SIGIRR: variants seen among roughly 807,000 people sequenced by gnomAD.
The protein encoded by SIGIRR is single Ig IL-1-related receptor.
In SIGIRR, 41 loss-of-function variants were observed where a neutral mutation model predicts 45.6. The ratio of observed to expected loss-of-function variants is 0.90; its 90% confidence interval spans 0.70 to 1.17. The LOEUF is 1.17. SIGIRR is among the 50% of genes most tolerant of loss of function. The probability of loss-of-function intolerance (pLI) is 0.00; values close to 1 mark genes in which losing one functional copy is unlikely to be tolerated. For missense variants in SIGIRR, 599 were observed against 539.6 expected (o/e 1.11, Z -1.09); for synonymous variants, 298 against 239.0 (o/e 1.25, Z -2.28).
At position 406,862 on chromosome 11, in the gene SIGIRR, A is replaced by C; in HGVS notation, c.860T>G (p.Leu287Arg). The C allele has an allele frequency of 1.3e-6, 2 of 1,572,694 alleles. No homozygotes were observed. Among genetic ancestry groups the C allele is most frequent in the Non-Finnish European group, 1.7e-6 (2 of 1,165,792 alleles). ...RQHRHLVTLL[L>R]WRPGSVTPSS... is the part of the protein sequence containing the mutation. ...CCGCACCACGGAGCCGGGCCTCCAG[A>C]GCAGCAAGGTCACCAGGTGGCGGTG... The change falls in exon 8 of 10, where the codon CTC becomes CGC. Residue 287 changes from leucine (L) to arginine (R), a missense_variant. Leu to Arg is a moderately radical substitution (Grantham distance 102, BLOSUM62 -2). Transcript: ENST00000431843.
intron 2 of SIGIRR, chr11:409,498 T>TTA: frequency 3.1e-6 from 1 of 321,288 alleles, no homozygotes; most frequent in Non-Finnish European, 5.8e-6. Context: ...TTGTTCATCT[T>TTA]TACATCAGGG....
chr11:409,922 C>A lies in SIGIRR; in HGVS notation c.-48G>T. 1 of 1,284,632 alleles carries A rather than the reference C, an allele frequency of 7.8e-7. No homozygotes were observed. Among genetic ancestry groups the A allele is most frequent in the Non-Finnish European group, 9.9e-7 (1 of 1,009,372 alleles). 79.6% of individuals were successfully genotyped at this position (1,284,632 alleles called of 1,614,324 possible). On this transcript the variant is annotated 5_prime_UTR_variant, in exon 2 of 10. Coordinates refer to ENST00000431843, the MANE Select transcript of SIGIRR (RefSeq NM_001135054.2). ...GGGGCAGGCTGGGCTCCAGGGTCAC[C>A]CCTGGCTCCACCGGGCTCCTCGGCC...
intron 1 of SIGIRR, among the ~76,000 whole-genome samples, chr11:411,771 T>C (rs371437854): frequency 3.8e-5 from 3 of 79,892 alleles, no homozygotes; most frequent in Non-Finnish European, 7.6e-5. Flanking sequence ...GGAGGGGTGC[T>C]CAGCTCTGAC....
intron 2 of SIGIRR, chr11:409,205 T>C: frequency 2.1e-6 from 1 of 485,564 alleles, no homozygotes; most frequent in Non-Finnish European, 3.9e-6. Flanking sequence ...GCCCCCCATT[T>C]CCCAGATGCA....
intron 9 of SIGIRR, 93 bp downstream of exon 9, chr11:406,256 C>G (rs1294943578): frequency 3.2e-6 from 5 of 1,550,110 alleles, no homozygotes; most frequent in Non-Finnish European, 4.3e-6. Context: ...TCCTCAACAC[C>G]TGGAGCCCCT....
At chr11:413,819 T>A in intron 1 of SIGIRR, among the ~76,000 whole-genome samples, 1 of 92,770 alleles carries the variant, frequency 1.1e-5, no homozygotes. Flanking sequence ...CACCTTCCCC[T>A]GCCCACCTTC....
At position 406,270 on chromosome 11, in the gene SIGIRR, GGCCCTGT is replaced by G. The variant is rs767045112; in HGVS notation, c.1069+72_1069+78del. 7 of 1,558,484 alleles carry G rather than the reference GGCCCTGT, an allele frequency of 4.5e-6. No individual in the cohort carries two copies. The South Asian group carries it at 8.1e-5, about 18-fold the overall frequency. On this transcript the variant is annotated intron_variant, in intron 9 of 9. Transcript: ENST00000431843. ...GTCCTCAACACCTGGAGCCCCTCCA[GGCCCTGT>G]GCCCTGTGCCTGCCCCCACTCCGCC...
intron 1 of SIGIRR, among the ~76,000 whole-genome samples, chr11:410,405 C>T (rs926489584): frequency 1.1e-4 from 16 of 152,188 alleles, no homozygotes; most frequent in African/African-American, 3.9e-4. Context: ...GCTGCAGTGC[C>T]AGAGACACAG....
rs768014363 is a variant in SIGIRR, at chr11:406,537, G to A, written c.881C>T (p.Thr294Ile). The change falls in exon 9 of 10, where the codon ACT becomes ATT. Residue 294 changes from threonine (T) to isoleucine (I), a missense_variant and splice_region_variant. Thr to Ile is a moderately conservative substitution (Grantham distance 89). Coordinates refer to ENST00000431843, the MANE Select transcript of SIGIRR (RefSeq NM_001135054.2). ...TLLLWRPGSVTPSSDFWKEVQ... is the reference protein window; with the variant it reads ...TLLLWRPGSVIPSSDFWKEVQ... ...TTCTTTCCAAAAATCGGAGGAAGGAGTCTGGGGGCCAGGTCGGGGCGGTTT... is the reference window on the plus strand; with the variant it reads ...TTCTTTCCAAAAATCGGAGGAAGGAATCTGGGGGCCAGGTCGGGGCGGTTT... 3.9e-5 allele frequency: 63 copies of A among 1,607,876 alleles called. No homozygotes were observed. The Admixed American group carries it at 8.7e-4, about 22-fold the overall frequency.
rs770464173 is a variant in SIGIRR, at chr11:409,919, C to T, written c.-45G>A. The T allele has an allele frequency of 1.5e-5, 19 of 1,291,964 alleles. No individual in the cohort carries two copies. In the Admixed American group the frequency reaches 4.5e-4, roughly 31 times the overall value. The allele number at this position is 1,291,964 out of a possible 1,614,324, so 80.0% of individuals were successfully genotyped here. On this transcript the variant is annotated 5_prime_UTR_variant, in exon 2 of 10. Coordinates refer to ENST00000431843, the MANE Select transcript of SIGIRR (RefSeq NM_001135054.2). ...CTCGGGGCAGGCTGGGCTCCAGGGT[C>T]ACCCCTGGCTCCACCGGGCTCCTCG...
At position 406,387 on chromosome 11, in the gene SIGIRR, A is replaced by G; in HGVS notation, c.1031T>C (p.Leu344Pro). The change falls in exon 9 of 10, where the codon CTG (leucine) becomes CCG (proline). Residue 344 changes from leucine to proline, a missense_variant. Physicochemically the swap from Leu to Pro is moderately conservative, Grantham distance 98. Transcript: ENST00000431843. ...AGGGTCCGGGTCCACCTCTGAGTCC[A>G]GGGCCCGGCCCTCAGGGACTCGGCC... Reference protein sequence around the residue: ...LRGRVPEGRALDSEVDPDPEG... With the variant: ...LRGRVPEGRAPDSEVDPDPEG... 1 of 1,612,648 alleles carries G rather than the reference A, an allele frequency of 6.2e-7. No homozygotes were observed. The highest frequency in any genetic ancestry group is 8.5e-7 in the Non-Finnish European group (1 of 1,179,846).
In SIGIRR at chr11:407,803, C is replaced by A; in HGVS notation, c.481+14G>T. 6.2e-7 allele frequency: 1 copy of A among 1,612,238 alleles called. No homozygotes were observed. Among genetic ancestry groups the A allele is most frequent in the Non-Finnish European group, 8.5e-7 (1 of 1,179,772 alleles). On this transcript the variant is annotated intron_variant, in intron 5 of 9. Transcript: ENST00000431843. The stretch of plus-strand genomic sequence containing the variant: ...GTGGCGACCCCTCCTCGCGCCCACG[C>A]GGGCCCCACGCACCGTTTATCTCCA...
chr11:408,985 T>C, intron 2 of SIGIRR, 92 bp from the exon 3 acceptor site: 1 of 1,189,300 alleles, frequency 8.4e-7, no homozygotes, highest in Non-Finnish European at 1.2e-6. Context: ...AAATAAGGCC[T>C]CTGTGTGGCT....
chr11:406,355 C>G lies in SIGIRR; in HGVS notation c.1063G>C (p.Asp355His). The part of the protein sequence containing the change: ...DSEVDPDPEG[D>H]LGVRGPVFGE... ...TGGGGCTGGGCGGGCATACCCAGGT[C>G]GCCCTCAGGGTCCGGGTCCACCTCT... The change falls in exon 9 of 10, where the codon GAC becomes CAC. Residue 355 changes from aspartate (D) to histidine (H), a missense_variant. Physicochemically the swap from Asp to His is moderately conservative, Grantham distance 81. Coordinates refer to ENST00000431843, the MANE Select transcript of SIGIRR (RefSeq NM_001135054.2). The G allele has an allele frequency of 1.2e-6, 2 of 1,612,318 alleles. No individual in the cohort carries two copies.
At chr11:407,341 GTGGGGCCCCGGGTGGGACGGAGCA>G in intron 6 of SIGIRR, 60 bp downstream of exon 6, 1 of 1,237,848 alleles carries the variant, frequency 8.1e-7, no homozygotes, top group Non-Finnish European at 1.1e-6. Flanking sequence ...GATGGTGGGG[GTGGGGCCCCGGGTGGGACGGAGCA>G]TGGGGCGGGG....
At chr11:411,634 T>G (rs1431819096) in intron 1 of SIGIRR, among the ~76,000 whole-genome samples, 2 of 63,294 alleles carry the variant, frequency 3.2e-5, no homozygotes, top group Admixed American at 1.9e-4. Context: ...CTGGATGCAG[T>G]CGGGGGGTGC....
intron 1 of SIGIRR, among the ~76,000 whole-genome samples, chr11:410,745 G>GGGA (rs1385709742): frequency 3.4e-5 from 3 of 88,900 alleles, no homozygotes; most frequent in East Asian, 3.6e-4. Flanking sequence ...GATGCAGTCG[G>GGGA]GGGGTGCCCA....
intron 1 of SIGIRR, 66 bp from the exon 2 acceptor site, chr11:410,093 C>T: frequency 8.2e-7 from 1 of 1,222,108 alleles, no homozygotes; most frequent in Non-Finnish European, 1.0e-6. Flanking sequence ...CTGCCGGCCA[C>T]AGACAGCACT....
intron 1 of SIGIRR, among the ~76,000 whole-genome samples, chr11:412,127 G>A (rs1847667652): frequency 3.0e-5 from 1 of 33,568 alleles, no homozygotes; most frequent in African/African-American, 1.1e-4. Flanking sequence ...GATACAGTCG[G>A]GGGGAGGTGC....
Sources: gnomAD v4.1 joint callset for allele counts (sites outside exome capture counted in the v4.1 genomes callset) on GRCh38, gnomAD v4.1.1 for gene constraint, MANE v1.5 for transcripts, NCBI Gene and HGNC (gene_info 2026-07-23, HGNC 2026-07-21) for gene names.